Variants in LIAT1 observed in about 807,000 individuals in gnomAD.
LIAT1 encodes protein LIAT1.
chr17:413,056 C>T, the LIAT1 span: 1 of 1,486,600 alleles, frequency 6.7e-7, no homozygotes, highest in Non-Finnish European at 9.1e-7. Flanking sequence ...GGCCCCCATC[C>T]TCCTCTTCCA....
the LIAT1 span, chr17:413,099 C>T: frequency 6.3e-7 from 1 of 1,589,336 alleles, no homozygotes; most frequent in Non-Finnish European, 8.6e-7. Context: ...CCCCAGCAGG[C>T]CAAGGTCAGA....
At chr17:413,345 G>A in the LIAT1 span, 217 of 1,614,138 alleles carry the variant, frequency 1.3e-4, 1 homozygote, top group Middle Eastern at 1.6e-4. Flanking sequence ...TCGGATCAAC[G>A]AAAGTCTGCG....
chr17:410,366 G>GGCGGTCC, the LIAT1 span: 1 of 1,507,620 alleles, frequency 6.6e-7, no homozygotes. Flanking sequence ...GCCCTGGCCT[G>GGCGGTCC]GCGGTCCGCG....
At chr17:414,246 G>A in the LIAT1 span, 38 of 1,168,780 alleles carry the variant, frequency 3.3e-5, no homozygotes, top group Non-Finnish European at 3.2e-5. The surrounding 1 kb of genome is among the most constrained non-coding windows in gnomAD (Gnocchi z 4.1). Flanking sequence ...GGACGACGCC[G>A]ACTCTCCCAT....
the LIAT1 span, chr17:413,007 G>C: frequency 1.2e-6 from 1 of 853,626 alleles, no homozygotes; most frequent in Non-Finnish European, 1.8e-6. Context: ...GTGGGCACGA[G>C]GCTGGTGGGC....
chr17:410,368 C>T, the LIAT1 span: 14 of 1,507,514 alleles, frequency 9.3e-6, no homozygotes, highest in African/African-American at 1.3e-4. Context: ...CCTGGCCTGG[C>T]GGTCCGCGCT....
the LIAT1 span, chr17:410,519 G>GGGC: frequency 6.5e-7 from 1 of 1,545,650 alleles, no homozygotes. Flanking sequence ...AGGAGCGGGA[G>GGGC]GGCGGCGCCG....
chr17:410,961 A>G, the LIAT1 span, among the ~76,000 whole-genome samples: 5 of 152,250 alleles, frequency 3.3e-5, no homozygotes, highest in East Asian at 9.7e-4. Context: ...TGGCAGTCTT[A>G]AACGTCTGCG....
At chr17:412,913 T>C in the LIAT1 span, among the ~76,000 whole-genome samples, 1 of 152,372 alleles carries the variant, frequency 6.6e-6, no homozygotes, top group South Asian at 2.1e-4. Context: ...CGATCGCCTT[T>C]ACCCAGACGG....
At chr17:414,035 G>T in the LIAT1 span, 7 of 1,614,112 alleles carry the variant, frequency 4.3e-6, no homozygotes, top group Non-Finnish European at 5.9e-6. The surrounding 1 kb of genome is among the most constrained non-coding windows in gnomAD (Gnocchi z 4.1). Flanking sequence ...GTCGAAAGCC[G>T]AGTGCCCCAA....
At chr17:414,415 G>GA in the LIAT1 span, 7 of 342,384 alleles carry the variant, frequency 2.0e-5, no homozygotes, top group Non-Finnish European at 3.7e-5. This position sits in a 1 kb window ranked among gnomAD's most constrained non-coding sequence, Gnocchi z 4.1. Flanking sequence ...GCCCCAAAAA[G>GA]AAAAGAAAGC....
At chr17:413,984 C>T in the LIAT1 span, 7 of 1,614,058 alleles carry the variant, frequency 4.3e-6, no homozygotes, top group African/African-American at 4.0e-5. Context: ...CTTACCCTAC[C>T]TCTCGGACAA....
the LIAT1 span, chr17:414,261 A>G: frequency 3.4e-4 from 344 of 1,022,970 alleles, 6 homozygotes; most frequent in South Asian, 5.2e-3. This position sits in a 1 kb window ranked among gnomAD's most constrained non-coding sequence, Gnocchi z 4.1. Context: ...TCCCATCACC[A>G]AGCTGCCCTC....
chr17:411,394 C>T, the LIAT1 span, among the ~76,000 whole-genome samples: 4 of 152,194 alleles, frequency 2.6e-5, no homozygotes, highest in East Asian at 1.9e-4. Context: ...AAGGGCGGGA[C>T]GCAGTGGCTC....
chr17:410,409 CG>C, the LIAT1 span: 2 of 1,530,528 alleles, frequency 1.3e-6, no homozygotes, highest in South Asian at 1.2e-5. Context: ...CATCGGGCCT[CG>C]GGCGCCCCCG....
chr17:414,083 C>T, the LIAT1 span: 109 of 1,614,166 alleles, frequency 6.8e-5, no homozygotes, highest in Middle Eastern at 8.2e-4. This position sits in a 1 kb window ranked among gnomAD's most constrained non-coding sequence, Gnocchi z 4.1. Context: ...AAAGCTTCTA[C>T]ACTCTGACTT....
the LIAT1 span, chr17:413,109 A>T: frequency 1.2e-6 from 2 of 1,600,154 alleles, no homozygotes; most frequent in East Asian, 4.5e-5. Context: ...CCAAGGTCAG[A>T]CATTGCCACA....
the LIAT1 span, chr17:410,675 C>T: frequency 6.5e-7 from 1 of 1,533,076 alleles, no homozygotes; most frequent in Non-Finnish European, 8.7e-7. Flanking sequence ...CCGGCTGCGT[C>T]AGCTCCGGTT....
chr17:413,358 G>A, the LIAT1 span: 1 of 1,614,132 alleles, frequency 6.2e-7, no homozygotes, highest in African/African-American at 1.3e-5. Flanking sequence ...AGTCTGCGTT[G>A]GGATGGAATT....
Sources: gnomAD v4.1 joint callset for allele counts (sites outside exome capture counted in the v4.1 genomes callset) on GRCh38, gnomAD v4.1.1 for gene constraint, Gnocchi (gnomAD v3.1) non-coding constraint, MANE v1.5 for transcripts, NCBI Gene and HGNC (gene_info 2026-07-23, HGNC 2026-07-21) for gene names.